RBMS1: variants seen among roughly 807,000 people sequenced by gnomAD.
The protein encoded by RBMS1 is RNA binding motif single stranded interacting protein 1.
In RBMS1, 17 loss-of-function variants were observed where a neutral mutation model predicts 62.3. The observed-to-expected ratio is 0.27, with a 90% CI of 0.19 to 0.41. The LOEUF is 0.41. Ranked by LOEUF, RBMS1 falls within the 10% of genes least tolerant of loss-of-function variation. RBMS1 has a pLI of 1.00. For synonymous variants in RBMS1, 172 were observed against 170.0 expected, an observed-to-expected ratio of 1.01 and a Z score of -0.09; for missense variants, 334 against 504.5, an observed-to-expected ratio of 0.66 and a Z score of 3.24.
chr2:160,281,901 G>T (rs1346336374), intron 9 of RBMS1: 5 of 192,080 alleles, frequency 2.6e-5, no homozygotes, highest in Non-Finnish European at 5.4e-5. Context: ...TCTACTTAGT[G>T]CAGAAAATAA....
At position 160,377,933 on chromosome 2, in the gene RBMS1, G is replaced by A. The variant is rs377076951; in HGVS notation, c.76-10542C>T. ...TAAAGCACCAGTCCTTGTTTGTTAC[G>A]AGGATTGCAGCAAAGATGATGGTAC... On this transcript the variant is annotated intron_variant, in intron 1 of 13. Transcript: ENST00000348849. 6.2e-4 allele frequency among the ~76,000 whole-genome samples: 94 copies of A among 152,304 alleles called. 1 individual carries two copies. The South Asian group carries it at 0.017, about 27-fold the overall frequency.
intron 6 of RBMS1, 113 bp downstream of exon 6, chr2:160,300,538 C>T (rs1689154228): frequency 1.5e-6 from 2 of 1,328,040 alleles, no homozygotes; most frequent in East Asian, 2.7e-5. Flanking sequence ...CAACAAAATG[C>T]ATCTTAAAGA....
At chr2:160,449,053 C>G (rs1683822239) in intron 1 of RBMS1, among the ~76,000 whole-genome samples, 1 of 151,934 alleles carries the variant, frequency 6.6e-6, no homozygotes, top group African/African-American at 2.4e-5. Flanking sequence ...AGCCCCTCCG[C>G]CCGGCAGCTG....
intron 2 of RBMS1, among the ~76,000 whole-genome samples, chr2:160,327,545 T>A (rs1691013529): frequency 6.6e-6 from 1 of 152,196 alleles, no homozygotes; most frequent in Non-Finnish European, 1.5e-5. Flanking sequence ...ATCAAGTCTA[T>A]TATGATCTGC....
chr2:160,458,078 C>T (rs752321467), intron 1 of RBMS1, among the ~76,000 whole-genome samples: 8 of 151,974 alleles, frequency 5.3e-5, no homozygotes, highest in Non-Finnish European at 7.4e-5. Flanking sequence ...ATCCTCCCAC[C>T]CCAGCCTCCT....
At chr2:160,439,807 C>A (rs1683322669) in intron 1 of RBMS1, among the ~76,000 whole-genome samples, 1 of 152,228 alleles carries the variant, frequency 6.6e-6, no homozygotes, top group Non-Finnish European at 1.5e-5. Flanking sequence ...AATCCCAGCA[C>A]CTTGGGAGGC....
At chr2:160,437,282 A>G (rs1429170871) in intron 1 of RBMS1, among the ~76,000 whole-genome samples, 1 of 152,200 alleles carries the variant, frequency 6.6e-6, no homozygotes, top group Non-Finnish European at 1.5e-5. Flanking sequence ...GCCCTTCTAA[A>G]GGAACTCTTG....
chr2:160,367,132 C>A, intron 2 of RBMS1, 84 bp downstream of exon 2: 1 of 1,325,600 alleles, frequency 7.5e-7, no homozygotes, highest in Non-Finnish European at 1.0e-6. Flanking sequence ...TTATAAACTT[C>A]TCTTATAATG....
intron 6 of RBMS1, among the ~76,000 whole-genome samples, chr2:160,299,433 GT>G (rs1281292514): frequency 1.3e-5 from 2 of 151,948 alleles, no homozygotes; most frequent in African/African-American, 4.8e-5. Flanking sequence ...TTGTTTGCAC[GT>G]TTCCCCCCAT....
chr2:160,344,122 C>T (rs910876721), intron 2 of RBMS1, among the ~76,000 whole-genome samples: 1 of 152,076 alleles, frequency 6.6e-6, no homozygotes, highest in Non-Finnish European at 1.5e-5. Flanking sequence ...CATTTTCTTT[C>T]TTTTAACCTG....
rs114467168 is a variant in RBMS1 at position 160,305,498 on chromosome 2, T to C, written c.403-2011A>G. Among the ~76,000 whole-genome samples the C allele has an allele frequency of 5.7e-3, 870 of 152,308 alleles. 10 individuals carry two copies. The highest frequency in any genetic ancestry group is 0.02 in the African/African-American group (828 of 41,552). ...CACATAGCCTAGGTGTACAGCAAGC[T>C]ACACCATCTGGGTTTGTGTAAGTAC... On this transcript the variant is annotated intron_variant, in intron 4 of 13. Transcript: ENST00000348849.
chr2:160,395,615 C>A (rs1471433765), intron 1 of RBMS1, among the ~76,000 whole-genome samples: 1 of 135,626 alleles, frequency 7.4e-6, no homozygotes, highest in African/African-American at 2.8e-5. Flanking sequence ...CACAGCGAGA[C>A]TCCGTCTCAA....
chr2:160,356,014 T>TA (rs1692778874), intron 2 of RBMS1, among the ~76,000 whole-genome samples: 1 of 152,144 alleles, frequency 6.6e-6, no homozygotes, highest in Non-Finnish European at 1.5e-5. Context: ...GATTTATACT[T>TA]ACAGCAAAAC....
intron 2 of RBMS1, among the ~76,000 whole-genome samples, chr2:160,335,548 AAAG>A (rs1691519829): frequency 6.6e-6 from 1 of 152,200 alleles, no homozygotes; most frequent in Non-Finnish European, 1.5e-5. Flanking sequence ...GAAAAGAAGG[AAAG>A]CTAAAGTATG....
intron 2 of RBMS1, among the ~76,000 whole-genome samples, chr2:160,346,969 G>A (rs568729336): frequency 1.3e-5 from 2 of 152,118 alleles, no homozygotes; most frequent in East Asian, 3.9e-4. Context: ...AAACTTCATT[G>A]TTTCCTTTTC....
intron 1 of RBMS1, among the ~76,000 whole-genome samples, chr2:160,423,458 TC>T (rs1696516034): frequency 6.6e-6 from 1 of 152,128 alleles, no homozygotes; most frequent in African/African-American, 2.4e-5. Context: ...TGAAAGACTG[TC>T]CGTCAGTGGA....
intron 1 of RBMS1, among the ~76,000 whole-genome samples, chr2:160,490,555 TG>T (rs1685781354): frequency 6.6e-6 from 1 of 152,108 alleles, no homozygotes; most frequent in Non-Finnish European, 1.5e-5. Context: ...GCCCAACGGA[TG>T]GTATTTTTTT....
intron 3 of RBMS1, 51 bp from the exon 4 acceptor site, chr2:160,313,298 T>C (rs765360107): frequency 5.9e-6 from 9 of 1,515,472 alleles, no homozygotes; most frequent in Non-Finnish European, 8.1e-6. Flanking sequence ...TGTGGTTAGG[T>C]AAAAGGGTAA....
intron 1 of RBMS1, among the ~76,000 whole-genome samples, chr2:160,378,255 G>A (rs1694103008): frequency 6.6e-6 from 1 of 151,858 alleles, no homozygotes; most frequent in African/African-American, 2.4e-5. Context: ...AAGAATTTTT[G>A]AGTAGCATAC....
Sources: allele counts gnomAD v4.1 joint callset (sites outside exome capture counted in the v4.1 genomes callset), GRCh38; gene constraint gnomAD v4.1.1; transcripts MANE v1.5; gene names NCBI Gene and HGNC (gene_info 2026-07-23, HGNC 2026-07-21).